Variants in HDAC4 observed in about 807,000 individuals in gnomAD.
HDAC4 encodes the protein histone deacetylase A.
In HDAC4, 16 loss-of-function variants were observed where a neutral mutation model predicts 135.1. The ratio of observed to expected loss-of-function variants is 0.12; its 90% CI spans 0.08 to 0.18. The LOEUF (loss-of-function observed/expected upper bound fraction) is 0.18. HDAC4 is among the 10% of genes least tolerant of loss of function. The pLI is 1.00. For missense variants in HDAC4, 1,143 were observed against 1,511.8 expected (o/e 0.76, Z 4.05); for synonymous variants, 685 against 653.4 (o/e 1.05, Z -0.74).
At position 239,337,406 on chromosome 2, in the gene HDAC4, C is replaced by G. The variant is rs556128717; in HGVS notation, c.22+15272G>C. Among the ~76,000 whole-genome samples the G allele has an allele frequency of 7.9e-5, 12 of 152,284 alleles. No homozygotes were observed. In the East Asian group the frequency reaches 9.6e-4, roughly 12 times the overall value. On this transcript the variant is annotated intron_variant, in intron 2 of 26. Coordinates refer to ENST00000543185, the MANE Select transcript of HDAC4 (RefSeq NM_001378414.1). ...GCCACACATCGCACCAATACAAGCTCCATTCACAGAAAACCCCACTGCAAG... is the reference window on the plus strand; with the variant it reads ...GCCACACATCGCACCAATACAAGCTGCATTCACAGAAAACCCCACTGCAAG...
At chr2:239,081,859 G>A (rs955248963) in intron 21 of HDAC4, among the ~76,000 whole-genome samples, 1 of 152,236 alleles carries the variant, frequency 6.6e-6, no homozygotes, top group African/African-American at 2.4e-5. Context: ...ACCTCTGTCT[G>A]CCTGGATGGG....
intron 4 of HDAC4, among the ~76,000 whole-genome samples, chr2:239,182,363 T>C (rs1041570563): frequency 1.3e-5 from 2 of 152,232 alleles, no homozygotes; most frequent in African/African-American, 4.8e-5. Flanking sequence ...AGCGGACAGA[T>C]GCAGCCTAAT....
chr2:239,301,187 G>T (rs552498469), intron 2 of HDAC4, among the ~76,000 whole-genome samples: 1 of 152,200 alleles, frequency 6.6e-6, no homozygotes, highest in Non-Finnish European at 1.5e-5. Flanking sequence ...CTCAGCGGCA[G>T]AAGGCCCCTT....
At chr2:239,095,096 C>G (rs760573153) in intron 16 of HDAC4, 40 bp from the exon 17 acceptor site, 1 of 1,612,380 alleles carries the variant, frequency 6.2e-7, no homozygotes. Context: ...GCCAAGGGCA[C>G]GCGGCCAAGG....
chr2:239,260,475 C>T (rs1379567029), intron 2 of HDAC4, among the ~76,000 whole-genome samples: 3 of 152,180 alleles, frequency 2.0e-5, no homozygotes, highest in African/African-American at 7.2e-5. Context: ...AATAAACATG[C>T]TAAGTTTCTA....
intron 1 of HDAC4, among the ~76,000 whole-genome samples, chr2:239,359,851 G>A (rs1693746285): frequency 6.6e-6 from 1 of 152,170 alleles, no homozygotes; most frequent in African/African-American, 2.4e-5. Context: ...TCCAGAACCT[G>A]CTGGACAGAA....
At chr2:239,148,735 CAG>C (rs1281867260) in intron 7 of HDAC4, among the ~76,000 whole-genome samples, 3 of 152,196 alleles carry the variant, frequency 2.0e-5, no homozygotes, top group African/African-American at 7.2e-5. Flanking sequence ...GGCGAGGCCG[CAG>C]AAAGGAGGCC....
intron 7 of HDAC4, among the ~76,000 whole-genome samples, chr2:239,147,380 C>T (rs2041835243): frequency 6.6e-6 from 1 of 152,272 alleles, no homozygotes; most frequent in African/African-American, 2.4e-5. Context: ...ACAATATCAG[C>T]CCTTCAAATG....
intron 3 of HDAC4, among the ~76,000 whole-genome samples, chr2:239,200,022 G>A (rs1456592627): frequency 9.9e-5 from 15 of 152,196 alleles, no homozygotes; most frequent in African/African-American, 3.6e-4. Flanking sequence ...ACAGGCGTGA[G>A]CCACCGCGCC....
intron 24 of HDAC4, among the ~76,000 whole-genome samples, chr2:239,059,338 A>G (rs1263283710): frequency 6.6e-6 from 1 of 152,190 alleles, no homozygotes; most frequent in African/African-American, 2.4e-5. Context: ...CAAATTCTGA[A>G]AAGAAAAAAG....
chr2:239,261,447 G>A (rs1477218746), intron 2 of HDAC4, among the ~76,000 whole-genome samples: 1 of 152,164 alleles, frequency 6.6e-6, no homozygotes, highest in Admixed American at 6.5e-5. Context: ...GCAGGCCTGG[G>A]CTCTGGGAGG....
At chr2:239,292,043 A>G (rs551259830) in intron 2 of HDAC4, among the ~76,000 whole-genome samples, 2 of 152,078 alleles carry the variant, frequency 1.3e-5, no homozygotes, top group South Asian at 2.1e-4. Flanking sequence ...GGCCCAGCTC[A>G]GCCCAGCTCA....
chr2:239,107,765 A>G (rs1029614021), intron 15 of HDAC4, among the ~76,000 whole-genome samples: 1 of 152,110 alleles, frequency 6.6e-6, no homozygotes, highest in Admixed American at 6.5e-5. Flanking sequence ...CCTTGAGAAG[A>G]GCCTGCTAGG....
intron 2 of HDAC4, among the ~76,000 whole-genome samples, chr2:239,277,977 G>GCCAGCCACACCCC (rs2050476292): frequency 1.7e-5 from 1 of 59,202 alleles, no homozygotes. Flanking sequence ...TCCTGAGCAG[G>GCCAGCCACACCCC]CCAGCCACAC....
At chr2:239,340,863 G>A (rs1475426724) in intron 2 of HDAC4, among the ~76,000 whole-genome samples, 1 of 152,040 alleles carries the variant, frequency 6.6e-6, no homozygotes, top group Non-Finnish European at 1.5e-5. Flanking sequence ...GAGATAAAGG[G>A]CACTGAAGAT....
chr2:239,201,298 G>A (rs1309547725), intron 3 of HDAC4, among the ~76,000 whole-genome samples: 1 of 152,096 alleles, frequency 6.6e-6, no homozygotes, highest in African/African-American at 2.4e-5. Context: ...GGCTGGGTGT[G>A]GTCAGCAACA....
At chr2:239,321,562 T>TA (rs891610580) in intron 2 of HDAC4, among the ~76,000 whole-genome samples, 6 of 146,244 alleles carry the variant, frequency 4.1e-5, no homozygotes, top group South Asian at 4.3e-4. Context: ...GTTGGAAAAA[T>TA]ATTACATTAT....
At chr2:239,264,839 C>G (rs908442939) in intron 2 of HDAC4, among the ~76,000 whole-genome samples, 1 of 152,218 alleles carries the variant, frequency 6.6e-6, no homozygotes, top group Non-Finnish European at 1.5e-5. Flanking sequence ...GGTCCTGCCC[C>G]TTCCTTCCTA....
chr2:239,085,532 A>G lies in HDAC4; in HGVS notation c.2445-1290T>C, dbSNP rs188134378. 1.8e-3 allele frequency among the ~76,000 whole-genome samples: 279 copies of G among 152,374 alleles called. 2 individuals carry two copies. The highest frequency in any genetic ancestry group is 6.4e-3 in the African/African-American group (266 of 41,584). ...AATTCGTTTGTCTCCTCTGAGGTTT[A>G]TTATTTGGAATATCCAACAACTCAG... On this transcript the variant is annotated intron_variant, in intron 19 of 26. Coordinates refer to ENST00000543185, the MANE Select transcript of HDAC4 (RefSeq NM_001378414.1).
Sources: gnomAD v4.1 joint callset for allele counts (sites outside exome capture counted in the v4.1 genomes callset) on GRCh38, gnomAD v4.1.1 for gene constraint, MANE v1.5 for transcripts, NCBI Gene and HGNC (gene_info 2026-07-23, HGNC 2026-07-21) for gene names.